KCTD18: variants seen among roughly 807,000 people sequenced by gnomAD.
The protein encoded by KCTD18 is BTB/POZ domain-containing protein KCTD18.
Under a neutral mutation model 30.4 loss-of-function variants are expected in KCTD18, and 22 were observed. That is an observed-to-expected ratio of 0.72 (90% CI 0.52 to 1.03). KCTD18 has a LOEUF of 1.03. Among genes scored for constraint, KCTD18 ranks in the 50% least tolerant of loss-of-function variants. KCTD18 has a pLI of 0.00. For missense variants in KCTD18, 529 were observed against 547.6 expected (o/e 0.97, Z 0.34); for synonymous variants, 186 against 209.0 (o/e 0.89, Z 0.95).
Position 200,507,870 on chromosome 2 carries a change from C to T in KCTD18, c.-75-779G>A, listed in dbSNP as rs115803797. On this transcript the variant is annotated intron_variant, in intron 1 of 6. Coordinates refer to ENST00000359878, the MANE Select transcript of KCTD18 (RefSeq NM_152387.4). ...ATTTTTAAAAAATGAGACAGGGTCT[C>T]GCTGTGTTGCCCAGGCTAGTCTTGA... Among the ~76,000 whole-genome samples the T allele has an allele frequency of 8.3e-3, 1,270 of 152,224 alleles. 17 individuals are homozygous for T. Among genetic ancestry groups the T allele is most frequent in the African/African-American group, 0.029 (1,203 of 41,522 alleles).
chr2:200,505,873 A>AAG, intron 2 of KCTD18, among the ~76,000 whole-genome samples: 1 of 152,062 alleles, frequency 6.6e-6, no homozygotes, highest in Admixed American at 6.5e-5. Context: ...AAAAAAAAAA[A>AAG]AGAGAGAAAA....
Position 200,493,275 on chromosome 2 carries a change from C to G in KCTD18, c.662-1G>C. 6.4e-7 allele frequency: 1 copy of G among 1,566,844 alleles called. No individual in the cohort carries two copies. The highest frequency in any genetic ancestry group is 8.8e-7 in the Non-Finnish European group (1 of 1,136,924). On this transcript the variant is annotated splice_acceptor_variant, in intron 5 of 6. Coordinates refer to ENST00000359878, the MANE Select transcript of KCTD18 (RefSeq NM_152387.4). LOFTEE classifies it high-confidence loss of function. Reference sequence around the variant, plus strand: ...TGAGGCACCCGCCAGTAGCTAACACCTGGAAGGTAAAAAGACATAATTAAG... The same window carrying G: ...TGAGGCACCCGCCAGTAGCTAACACGTGGAAGGTAAAAAGACATAATTAAG...
At chr2:200,501,131 A>C (rs2088077873) in intron 3 of KCTD18, among the ~76,000 whole-genome samples, 1 of 152,212 alleles carries the variant, frequency 6.6e-6, no homozygotes, top group South Asian at 2.1e-4. Flanking sequence ...TACAAAAATC[A>C]ATTCAAGATG....
intron 2 of KCTD18, among the ~76,000 whole-genome samples, chr2:200,506,278 G>A (rs1384560980): frequency 2.0e-5 from 3 of 152,176 alleles, no homozygotes; most frequent in African/African-American, 7.2e-5. Flanking sequence ...GAAGCAGAGA[G>A]CAGCCCCAGA....
intron 6 of KCTD18, among the ~76,000 whole-genome samples, chr2:200,491,992 C>G (rs1218508187): frequency 6.6e-6 from 1 of 152,176 alleles, no homozygotes; most frequent in African/African-American, 2.4e-5. Flanking sequence ...CTCCTTGGGA[C>G]CTTACAAGTG....
At position 200,490,242 on chromosome 2, in the gene KCTD18, T is replaced by C. The variant is rs142159452; in HGVS notation, c.1139A>G (p.Lys380Arg). 1.9e-4 allele frequency: 310 copies of C among 1,614,236 alleles called. No individual in the cohort carries two copies. The highest frequency in any genetic ancestry group is 1.7e-4 in the Non-Finnish European group (205 of 1,180,034). ...CGCGGTGGCGCACAGCGGAGTCCTCTTCAGCTTTATCACCCGCTGGGGTGT... is the reference window on the plus strand; with the variant it reads ...CGCGGTGGCGCACAGCGGAGTCCTCCTCAGCTTTATCACCCGCTGGGGTGT... ...KPTPQRVIKL[K>R]RTPLCATAPC... The change falls in exon 7 of 7, where the codon AAG (lysine) becomes AGG (arginine). Residue 380 changes from lysine (K) to arginine (R), a missense_variant. By Grantham distance (26) the Lys-to-Arg change is conservative. Transcript: ENST00000359878.
rs2087950066 is a variant in KCTD18 at position 200,493,293 on chromosome 2, T to C, written c.662-19A>G. 2 of 1,378,920 alleles carry C rather than the reference T, an allele frequency of 1.5e-6. No individual in the cohort carries two copies. The highest frequency in any genetic ancestry group is 1.2e-5 in the South Asian group (1 of 86,302). The allele number at this position is 1,378,920 out of a possible 1,614,324, so 85.4% of individuals were successfully genotyped here. A position where few individuals can be genotyped will look rare whatever the true frequency, so the allele number is the denominator to read the frequency against. On this transcript the variant is annotated intron_variant, in intron 5 of 6. Transcript: ENST00000359878. The stretch of plus-strand genomic sequence containing the variant: ...CTAACACCTGGAAGGTAAAAAGACA[T>C]AATTAAGACAGCTACCATCCACTGC...
chr2:200,508,130 T>A (rs780946994), intron 1 of KCTD18, among the ~76,000 whole-genome samples: 12 of 152,166 alleles, frequency 7.9e-5, no homozygotes, highest in Non-Finnish European at 1.5e-4. Flanking sequence ...TGAGATGGAG[T>A]CTCGCTCTGT....
At chr2:200,492,954 T>C (rs888599155) in intron 6 of KCTD18, among the ~76,000 whole-genome samples, 1 of 152,180 alleles carries the variant, frequency 6.6e-6, no homozygotes, top group African/African-American at 2.4e-5. Context: ...AAGAACATGT[T>C]ACACATGCAG....
chr2:200,491,803 G>T (rs1273304287), intron 6 of KCTD18, among the ~76,000 whole-genome samples: 1 of 152,160 alleles, frequency 6.6e-6, no homozygotes, highest in Non-Finnish European at 1.5e-5. Context: ...CTGCTCTCTT[G>T]CAAGTCTGCA....
chr2:200,492,632 A>C (rs2087936580), intron 6 of KCTD18, among the ~76,000 whole-genome samples: 1 of 152,220 alleles, frequency 6.6e-6, no homozygotes, highest in Non-Finnish European at 1.5e-5. Context: ...CATGAATAAA[A>C]CCCAGACACT....
At chr2:200,499,548 C>T (rs906448224) in intron 3 of KCTD18, among the ~76,000 whole-genome samples, 34 of 152,006 alleles carry the variant, frequency 2.2e-4, no homozygotes, top group South Asian at 1.3e-3. Flanking sequence ...ATAAATTCCT[C>T]GACACATACA....
In KCTD18 at chr2:200,493,166, G is replaced by A. The variant is rs374865907; in HGVS notation, c.764+6C>T. ...CAAAACAAATAAACAACACAGCATA[G>A]ATAACCTCTTTCGAATTGGAGCCAT... On this transcript the variant is annotated splice_donor_region_variant and intron_variant, in intron 6 of 6. Coordinates refer to ENST00000359878, the MANE Select transcript of KCTD18 (RefSeq NM_152387.4). The A allele has an allele frequency of 1.0e-5, 16 of 1,562,518 alleles. No homozygotes were observed. In the African/African-American group the frequency reaches 1.2e-4, roughly 12 times the overall value.
chr2:200,492,972 G>A (rs1337599966), intron 6 of KCTD18, among the ~76,000 whole-genome samples, 200 bp downstream of exon 6: 3 of 152,078 alleles, frequency 2.0e-5, no homozygotes, highest in Admixed American at 6.5e-5. Flanking sequence ...CAGTTACAAA[G>A]AATTATAGCC....
At chr2:200,493,829 G>A (rs1460518438) in intron 5 of KCTD18, among the ~76,000 whole-genome samples, 2 of 152,088 alleles carry the variant, frequency 1.3e-5, no homozygotes, top group East Asian at 1.9e-4. Flanking sequence ...ATTGTATAGG[G>A]GGTGGGTTGT....
intron 1 of KCTD18, among the ~76,000 whole-genome samples, chr2:200,507,956 G>A (rs1157898713): frequency 3.3e-5 from 5 of 152,186 alleles, no homozygotes; most frequent in Non-Finnish European, 7.3e-5. Context: ...ATACAGGCAT[G>A]AGCCACCACG....
rs1354765217 is a variant in KCTD18, at chr2:200,489,465, A to G, written c.*635T>C. 6.6e-6 allele frequency: 1 copy of G among 152,246 alleles called. No homozygotes were observed. Among genetic ancestry groups the G allele is most frequent in the Admixed American group, 6.5e-5 (1 of 15,284 alleles). The allele number at this position is 152,246 out of a possible 1,614,324, so 9.4% of individuals were successfully genotyped here. A position where few individuals can be genotyped will look rare whatever the true frequency, so the allele number is the denominator to read the frequency against. ...CCCAAGAGATCTTCTTGTGGTGTTT[A>G]TAAATAAATCTACTAACAGAAAAGA... On this transcript the variant is annotated 3_prime_UTR_variant, in exon 7 of 7. Transcript: ENST00000359878.
At chr2:200,493,032 G>A in intron 6 of KCTD18, 140 bp downstream of exon 6, 1 of 592,364 alleles carries the variant, frequency 1.7e-6, no homozygotes, top group East Asian at 2.8e-5. Context: ...TCTATATTTT[G>A]ATGGTAAGAC....
chr2:200,504,192 C>T (rs1156690766), intron 3 of KCTD18, among the ~76,000 whole-genome samples: 4 of 152,228 alleles, frequency 2.6e-5, no homozygotes, highest in Non-Finnish European at 5.9e-5. Context: ...GGTGCAGTGG[C>T]TCACGCCTGT....
Sources: gnomAD v4.1 joint callset for allele counts (sites outside exome capture counted in the v4.1 genomes callset) on GRCh38, gnomAD v4.1.1 for gene constraint, MANE v1.5 for transcripts, NCBI Gene and HGNC (gene_info 2026-07-23, HGNC 2026-07-21) for gene names.